FARP1: variants seen among roughly 807,000 people sequenced by gnomAD.
FARP1 encodes the protein FERM, ARHGEF and pleckstrin domain-containing protein 1.
Under a neutral mutation model 128.8 loss-of-function variants are expected in FARP1, and 52 were observed. That is an observed-to-expected ratio of 0.40 (90% CI 0.32 to 0.51). The LOEUF (loss-of-function observed/expected upper bound fraction) is 0.51. FARP1 is among the 20% of genes least tolerant of loss of function. FARP1 has a pLI of 0.45. For synonymous variants in FARP1, 580 were observed against 551.8 expected (o/e 1.05, Z -0.72); for missense variants, 1,333 against 1,367.9 (o/e 0.97, Z 0.40).
chr13:98,235,102 C>T (rs1174359348), intron 2 of FARP1, among the ~76,000 whole-genome samples: 6 of 152,096 alleles, frequency 3.9e-5, no homozygotes, highest in African/African-American at 7.2e-5. Context: ...ACAGTGCTGG[C>T]GAGATTTTTA....
intron 2 of FARP1, among the ~76,000 whole-genome samples, chr13:98,246,322 C>G (rs1883061836): frequency 1.9e-5 from 1 of 53,436 alleles, no homozygotes; most frequent in Non-Finnish European, 3.6e-5. Flanking sequence ...GTCTCGATCT[C>G]CTGACCTCGT....
chr13:98,332,164 C>T (rs1887536852), intron 2 of FARP1, among the ~76,000 whole-genome samples: 1 of 152,078 alleles, frequency 6.6e-6, no homozygotes, highest in African/African-American at 2.4e-5. Flanking sequence ...CAGCCATCCC[C>T]ATGTCTCCAG....
At chr13:98,186,273 ACT>A (rs1878864898) in intron 1 of FARP1, among the ~76,000 whole-genome samples, 1 of 151,794 alleles carries the variant, frequency 6.6e-6, no homozygotes, top group Admixed American at 6.6e-5. Context: ...CGCCTGGCTA[ACT>A]TTTTGTATTT....
intron 2 of FARP1, chr13:98,333,281 T>G (rs1887589389): frequency 2.0e-5 from 3 of 152,210 alleles, no homozygotes; most frequent in South Asian, 4.1e-4. Context: ...TTTTTATTCA[T>G]CTACTTCTAA....
intron 5 of FARP1, among the ~76,000 whole-genome samples, chr13:98,375,907 G>T (rs1263492654): frequency 6.6e-6 from 1 of 152,110 alleles, no homozygotes; most frequent in Non-Finnish European, 1.5e-5. Context: ...GGGAGCCACA[G>T]CGTGCGGCCC....
chr13:98,277,143 CACACA>C (rs1239575608), intron 2 of FARP1, among the ~76,000 whole-genome samples: 2 of 141,450 alleles, frequency 1.4e-5, no homozygotes, highest in Non-Finnish European at 3.2e-5. Context: ...CACACACACA[CACACA>C]CCCCATATGT....
At chr13:98,383,202 G>C (rs1333777520) in intron 6 of FARP1, among the ~76,000 whole-genome samples, 5 of 152,314 alleles carry the variant, frequency 3.3e-5, no homozygotes, top group Admixed American at 3.3e-4. Flanking sequence ...CAGATAGAAG[G>C]AATTGCAGAG....
At chr13:98,204,390 A>G (rs1880139651) in intron 1 of FARP1, among the ~76,000 whole-genome samples, 2 of 152,196 alleles carry the variant, frequency 1.3e-5, no homozygotes, top group Admixed American at 1.3e-4. Context: ...TTAAAACATG[A>G]GGTAATAGGT....
At chr13:98,180,457 C>A (rs577411994) in intron 1 of FARP1, among the ~76,000 whole-genome samples, 1 of 152,268 alleles carries the variant, frequency 6.6e-6, no homozygotes, top group Non-Finnish European at 1.5e-5. Context: ...GACAGACATC[C>A]AAACCGTATC....
At chr13:98,173,691 A>C (rs1428972524) in intron 1 of FARP1, among the ~76,000 whole-genome samples, 1 of 152,254 alleles carries the variant, frequency 6.6e-6, no homozygotes, top group Non-Finnish European at 1.5e-5. Flanking sequence ...AAAAAAGGTC[A>C]AGTCAGTTGT....
intron 2 of FARP1, among the ~76,000 whole-genome samples, chr13:98,228,360 C>CA (rs1173271623): frequency 6.6e-6 from 1 of 150,736 alleles, no homozygotes; most frequent in African/African-American, 2.4e-5. Flanking sequence ...AAATCAGTCT[C>CA]AAAAAATAAA....
chr13:98,197,898 GT>G (rs1429721777), intron 1 of FARP1, among the ~76,000 whole-genome samples: 3 of 152,016 alleles, frequency 2.0e-5, no homozygotes, highest in Admixed American at 6.6e-5. Flanking sequence ...TCCTCCCAAA[GT>G]GCTGAGATTA....
chr13:98,159,986 A>G (rs1876765085), intron 1 of FARP1, among the ~76,000 whole-genome samples: 1 of 152,106 alleles, frequency 6.6e-6, no homozygotes, highest in Admixed American at 6.6e-5. Flanking sequence ...GTTTTCCTTC[A>G]AGGCATTTTT....
At chr13:98,320,829 A>C (rs1187993644) in intron 2 of FARP1, among the ~76,000 whole-genome samples, 1 of 152,132 alleles carries the variant, frequency 6.6e-6, no homozygotes, top group African/African-American at 2.4e-5. Context: ...AGATAGACAC[A>C]GTTAGACAAT....
chr13:98,263,155 G>A (rs1244690903), intron 2 of FARP1, among the ~76,000 whole-genome samples: 2 of 152,016 alleles, frequency 1.3e-5, no homozygotes, highest in Admixed American at 1.3e-4. Flanking sequence ...ATTACATGCT[G>A]TGCCACCATG....
At chr13:98,218,123 T>TC (rs1881195072) in intron 2 of FARP1, among the ~76,000 whole-genome samples, 1 of 140,574 alleles carries the variant, frequency 7.1e-6, no homozygotes. Context: ...GGCCCGGCCC[T>TC]CCCCCACCCC....
chr13:98,300,557 A>C (rs187242772), intron 2 of FARP1, among the ~76,000 whole-genome samples: 5 of 152,318 alleles, frequency 3.3e-5, no homozygotes, highest in Admixed American at 3.3e-4. Flanking sequence ...TGTTCTGTAC[A>C]TGTAAAAGGG....
intron 2 of FARP1, among the ~76,000 whole-genome samples, chr13:98,215,523 A>T (rs1260683422): frequency 6.6e-6 from 1 of 152,196 alleles, no homozygotes; most frequent in East Asian, 1.9e-4. Context: ...ACTCGACTTT[A>T]TACTATATGA....
At chr13:98,173,742 A>G (rs1877802961) in intron 1 of FARP1, among the ~76,000 whole-genome samples, 1 of 152,162 alleles carries the variant, frequency 6.6e-6, no homozygotes, top group South Asian at 2.1e-4. Context: ...TTTGACCGGA[A>G]AGATAGGGGT....
Sources: allele counts gnomAD v4.1 joint callset (sites outside exome capture counted in the v4.1 genomes callset), GRCh38; gene constraint gnomAD v4.1.1; transcripts MANE v1.5; gene names NCBI Gene and HGNC (gene_info 2026-07-23, HGNC 2026-07-21).